TTC7B: variants seen among roughly 807,000 people sequenced by gnomAD.
TTC7B encodes the protein tetratricopeptide repeat domain 7B, also known as tetratricopeptide repeat protein 7B.
Under a neutral mutation model 106.8 loss-of-function variants are expected in TTC7B, and 28 were observed. That is an observed-to-expected ratio of 0.26 (90% CI 0.19 to 0.36). TTC7B has a LOEUF of 0.36. Ranked by LOEUF, TTC7B falls within the 10% of genes least tolerant of loss-of-function variation. The pLI, the probability that TTC7B is intolerant of heterozygous loss-of-function variation, is 1.00. For missense variants in TTC7B, 862 were observed against 1,076.4 expected (o/e 0.80, Z 2.79); for synonymous variants, 405 against 430.6 (o/e 0.94, Z 0.74).
intron 12 of TTC7B, among the ~76,000 whole-genome samples, chr14:90,654,338 A>G (rs1206588703): frequency 6.6e-6 from 1 of 152,206 alleles, no homozygotes; most frequent in Non-Finnish European, 1.5e-5. Flanking sequence ...ATATTTAACA[A>G]CAACATGATA....
chr14:90,658,909 C>T (rs1205938048), intron 9 of TTC7B, among the ~76,000 whole-genome samples: 1 of 152,186 alleles, frequency 6.6e-6, no homozygotes, highest in Non-Finnish European at 1.5e-5. Flanking sequence ...TCTCAGTCAG[C>T]GAGGAGCCTC....
chr14:90,734,569 C>T (rs969005601), intron 4 of TTC7B, among the ~76,000 whole-genome samples: 1 of 152,006 alleles, frequency 6.6e-6, no homozygotes, highest in Non-Finnish European at 1.5e-5. Flanking sequence ...GGACAATAAA[C>T]ACCATCCTTG....
intron 7 of TTC7B, among the ~76,000 whole-genome samples, chr14:90,681,878 GTT>G (rs1457778423): frequency 2.2e-5 from 1 of 45,088 alleles, no homozygotes; most frequent in Admixed American, 2.6e-4. Flanking sequence ...TGTTGTTGTT[GTT>G]GTGTGTGTGT....
chr14:90,580,079 A>G (rs1298040580), intron 18 of TTC7B, among the ~76,000 whole-genome samples: 1 of 152,206 alleles, frequency 6.6e-6, no homozygotes, highest in Non-Finnish European at 1.5e-5. Flanking sequence ...ACAGGCAGCC[A>G]GGCCGAGGCC....
chr14:90,589,507 T>C (rs1250130283), intron 18 of TTC7B, among the ~76,000 whole-genome samples: 2 of 152,250 alleles, frequency 1.3e-5, no homozygotes, highest in Non-Finnish European at 2.9e-5. Flanking sequence ...TAGGGAATAA[T>C]GACAAGAAGA....
chr14:90,647,792 T>C (rs890792717), intron 13 of TTC7B, among the ~76,000 whole-genome samples: 37 of 152,168 alleles, frequency 2.4e-4, no homozygotes, highest in African/African-American at 8.2e-4. Context: ...ATACTAGACA[T>C]AATTCTGTGT....
intron 3 of TTC7B, among the ~76,000 whole-genome samples, chr14:90,749,508 T>C (rs1281348004): frequency 1.3e-5 from 2 of 150,032 alleles, no homozygotes; most frequent in Non-Finnish European, 3.0e-5. Context: ...CAGGTTCAAG[T>C]GATTCTCCTG....
At chr14:90,637,892 T>C (rs1203445018) in intron 15 of TTC7B, among the ~76,000 whole-genome samples, 2 of 152,150 alleles carry the variant, frequency 1.3e-5, no homozygotes, top group Non-Finnish European at 2.9e-5. Flanking sequence ...AACAAACCTG[T>C]AACAAGCACA....
At chr14:90,814,952 G>A (rs1448691346) in intron 1 of TTC7B, among the ~76,000 whole-genome samples, 1 of 152,168 alleles carries the variant, frequency 6.6e-6, no homozygotes, top group Non-Finnish European at 1.5e-5. Flanking sequence ...TTGAGAGTGC[G>A]CAAAACCAAG....
At chr14:90,633,951 T>G (rs8008687) in intron 15 of TTC7B, among the ~76,000 whole-genome samples, 2 of 151,810 alleles carry the variant, frequency 1.3e-5, no homozygotes. Context: ...CTCAGCTCAT[T>G]GCAACCTCCG....
intron 19 of TTC7B, among the ~76,000 whole-genome samples, chr14:90,553,435 G>C (rs1407568342): frequency 1.3e-5 from 2 of 152,198 alleles, no homozygotes; most frequent in Admixed American, 1.3e-4. Flanking sequence ...CCTGGGCCTC[G>C]GCTCTCCGAT....
At chr14:90,701,709 T>TACACACACACACAC (rs949706676) in intron 5 of TTC7B, among the ~76,000 whole-genome samples, 1 of 150,088 alleles carries the variant, frequency 6.7e-6, no homozygotes, top group African/African-American at 2.5e-5. Context: ...TATATATATA[T>TACACACACACACAC]ACACACACAC....
chr14:90,623,890 A>G (rs568208835), intron 15 of TTC7B, among the ~76,000 whole-genome samples: 1 of 152,350 alleles, frequency 6.6e-6, no homozygotes, highest in South Asian at 2.1e-4. Context: ...ACGTAGTGGC[A>G]CACATCTGTA....
intron 9 of TTC7B, among the ~76,000 whole-genome samples, chr14:90,661,387 C>T (rs911112155): frequency 5.3e-5 from 8 of 152,170 alleles, no homozygotes; most frequent in Non-Finnish European, 8.8e-5. Flanking sequence ...ATGAAAGCAG[C>T]ATGCTGAGAC....
rs542496492 is a variant in TTC7B at position 90,570,344 on chromosome 14, C to T, written c.2310+7762G>A. ...TGGTCAGCAAAGGCTGTGCCAAGGC[C>T]AAGCCAGCAAACACTCAAAGCCTCT... On this transcript the variant is annotated intron_variant, in intron 19 of 19. Coordinates refer to ENST00000328459, the MANE Select transcript of TTC7B (RefSeq NM_001010854.2). This position sits in a 1 kb window ranked among gnomAD's most constrained non-coding sequence, Gnocchi z 4.0. Among the ~76,000 whole-genome samples the T allele has an allele frequency of 2.0e-5, 3 of 152,346 alleles. No individual in the cohort carries two copies. In the East Asian group the frequency reaches 5.8e-4, roughly 29 times the overall value.
rs188479495 is a variant in TTC7B at position 90,732,727 on chromosome 14, G to T, written c.577-2531C>A. On this transcript the variant is annotated intron_variant, in intron 4 of 19. Transcript: ENST00000328459. ...TCTGGATCATGAGCCACTGCGCCCG[G>T]CTCCTGAATAATTTTTCATAATCCA... is the stretch of plus-strand genomic sequence containing the variant. Among the ~76,000 whole-genome samples the T allele has an allele frequency of 2.4e-3, 360 of 152,056 alleles. 1 individual carries two copies. Among genetic ancestry groups the T allele is most frequent in the Non-Finnish European group, 4.1e-3 (280 of 67,968 alleles).
At chr14:90,780,637 G>A in intron 3 of TTC7B, 101 bp downstream of exon 3, 2 of 1,389,702 alleles carry the variant, frequency 1.4e-6, no homozygotes, top group Non-Finnish European at 1.9e-6. Context: ...GGAACTGCCA[G>A]GTTCATCACC....
rs1022175626 is a variant in TTC7B at position 90,579,222 on chromosome 14, C to T, written c.2108-914G>A. 2.6e-5 allele frequency among the ~76,000 whole-genome samples: 4 copies of T among 152,314 alleles called. No homozygotes were observed. In the East Asian group the frequency reaches 7.7e-4, roughly 29 times the overall value. On this transcript the variant is annotated intron_variant, in intron 18 of 19. Coordinates refer to ENST00000328459, the MANE Select transcript of TTC7B (RefSeq NM_001010854.2). ...GAGGCTTCAGGGACATCTGAATCACCCCCCACCCCTCTCCAGGGCCAGCAG... is the reference window on the plus strand; with the variant it reads ...GAGGCTTCAGGGACATCTGAATCACTCCCCACCCCTCTCCAGGGCCAGCAG...
At chr14:90,788,798 A>G (rs960676074) in intron 1 of TTC7B, among the ~76,000 whole-genome samples, 5 of 152,020 alleles carry the variant, frequency 3.3e-5, no homozygotes, top group Non-Finnish European at 7.4e-5. Flanking sequence ...CTCTGTCTCT[A>G]CTAAAAATAC....
Sources: allele counts gnomAD v4.1 joint callset (sites outside exome capture counted in the v4.1 genomes callset), GRCh38; gene constraint gnomAD v4.1.1; non-coding constraint Gnocchi (gnomAD v3.1); transcripts MANE v1.5; gene names NCBI Gene and HGNC (gene_info 2026-07-23, HGNC 2026-07-21).